Variants in NAV3 observed in about 807,000 individuals in gnomAD.
The protein encoded by NAV3 is neuron navigator 3.
In NAV3, 87 loss-of-function variants were observed where a neutral mutation model predicts 244.7. The ratio of observed to expected loss-of-function variants is 0.36; its 90% CI spans 0.30 to 0.42. The LOEUF (loss-of-function observed/expected upper bound fraction) is 0.42. NAV3 is among the 20% of genes least tolerant of loss of function. The pLI is 1.00. For missense variants in NAV3, 2,663 were observed against 2,893.3 expected, an observed-to-expected ratio of 0.92 and a Z score of 1.83; for synonymous variants, 1,126 against 1,042.2, an observed-to-expected ratio of 1.08 and a Z score of -1.55.
At chr12:78,124,291 T>G (rs1453146681) in intron 16 of NAV3, among the ~76,000 whole-genome samples, 1 of 152,212 alleles carries the variant, frequency 6.6e-6, no homozygotes, top group Non-Finnish European at 1.5e-5. Flanking sequence ...AAAATGCAGT[T>G]TTAATATTTT....
At chr12:77,829,746 G>A (rs534286083), upstream of NAV3, among the ~76,000 whole-genome samples, 63 of 152,248 alleles carry the variant, frequency 4.1e-4, 1 homozygote, top group Middle Eastern at 3.4e-3. Flanking sequence ...CTTCTATGCT[G>A]CATCAGCAGA....
At chr12:78,174,545 C>T (rs1260535343) in intron 24 of NAV3, among the ~76,000 whole-genome samples, 1 of 151,742 alleles carries the variant, frequency 6.6e-6, no homozygotes, top group Non-Finnish European at 1.5e-5. Context: ...ATTAGGTACT[C>T]CGGGGGCATA....
intron 12 of NAV3, among the ~76,000 whole-genome samples, chr12:78,100,316 A>T (rs1566131187): frequency 6.6e-6 from 1 of 151,940 alleles, no homozygotes; most frequent in Admixed American, 6.6e-5. Flanking sequence ...CAAACAGAAG[A>T]TGAGCTTAAA....
chr12:77,787,683 C>T (rs1219896408), intron 2 of NAV3, among the ~76,000 whole-genome samples: 2 of 152,156 alleles, frequency 1.3e-5, no homozygotes, highest in East Asian at 1.9e-4. Flanking sequence ...CCTCCCATGC[C>T]ACTAGGATTA....
At chr12:78,083,881 C>A (rs750702490) in intron 12 of NAV3, among the ~76,000 whole-genome samples, 4 of 152,250 alleles carry the variant, frequency 2.6e-5, no homozygotes, top group African/African-American at 4.8e-5. Context: ...GTTCCATGAT[C>A]TATTCAAAAT....
chr12:77,653,904 A>G (rs539869953), intron 2 of NAV3, among the ~76,000 whole-genome samples: 78 of 152,198 alleles, frequency 5.1e-4, no homozygotes, highest in African/African-American at 1.9e-3. Context: ...AAAAAATTCT[A>G]GTTTTCTTAA....
intron 2 of NAV3, among the ~76,000 whole-genome samples, chr12:77,778,949 G>C (rs1431827191): frequency 6.6e-6 from 1 of 152,172 alleles, no homozygotes; most frequent in Non-Finnish European, 1.5e-5. Flanking sequence ...TAATGTGTGT[G>C]TTGGAATTTG....
At chr12:77,998,827 T>G in intron 7 of NAV3, among the ~76,000 whole-genome samples, 1 of 152,184 alleles carries the variant, frequency 6.6e-6, no homozygotes, top group East Asian at 1.9e-4. Context: ...TCTGAATCCT[T>G]AACTTCAGTT....
At chr12:78,186,857 T>C (rs1958744610) in intron 31 of NAV3, among the ~76,000 whole-genome samples, 1 of 151,846 alleles carries the variant, frequency 6.6e-6, no homozygotes, top group African/African-American at 2.4e-5. Flanking sequence ...GGCTCTCTTT[T>C]TGCATTGCAG....
upstream of NAV3, among the ~76,000 whole-genome samples, chr12:77,827,236 CAAAAAAAAAAAAAA>C (rs10615824): frequency 4.4e-5 from 3 of 68,530 alleles, no homozygotes; most frequent in Non-Finnish European, 8.7e-5. Flanking sequence ...ACTCTGTCTC[CAAAAAAAAAAAAAA>C]AAAAAAAAAA....
chr12:77,613,207 T>C (rs1422532626), intron 2 of NAV3, among the ~76,000 whole-genome samples: 1 of 152,226 alleles, frequency 6.6e-6, no homozygotes, highest in Non-Finnish European at 1.5e-5. Flanking sequence ...TGGCAGAGTT[T>C]GCTCAGAATA....
At chr12:77,769,207 A>C (rs549892723) in intron 2 of NAV3, among the ~76,000 whole-genome samples, 2 of 152,328 alleles carry the variant, frequency 1.3e-5, no homozygotes, top group South Asian at 4.1e-4. Flanking sequence ...TAAGTACTAC[A>C]ATATAGTTGC....
intron 1 of NAV3, among the ~76,000 whole-genome samples, chr12:77,878,787 T>C (rs989278199): frequency 3.7e-5 from 4 of 109,154 alleles, no homozygotes; most frequent in African/African-American, 1.5e-4. Flanking sequence ...AATTCTATCA[T>C]TTTTTTTTTT....
intron 2 of NAV3, among the ~76,000 whole-genome samples, chr12:77,706,245 A>G (rs1003696919): frequency 6.6e-6 from 1 of 151,536 alleles, no homozygotes; most frequent in Admixed American, 6.6e-5. Context: ...CTAAATTAAC[A>G]TTAATAGATC....
At chr12:77,696,612 ACT>A (rs1875312597) in intron 2 of NAV3, among the ~76,000 whole-genome samples, 1 of 152,114 alleles carries the variant, frequency 6.6e-6, no homozygotes, top group Non-Finnish European at 1.5e-5. Context: ...AACATGGGTT[ACT>A]CTAAGTTACT....
Position 78,153,498 on chromosome 12 carries a change from A to G in NAV3, c.4785+4579A>G, listed in dbSNP as rs200791604. ...CAGAAGCCGCACAAGGAAAGGCAGA[A>G]CTAAATAAATGGTAATAGCAAACAA... On this transcript the variant is annotated intron_variant, in intron 22 of 39. Coordinates refer to ENST00000397909, the MANE Select transcript of NAV3 (RefSeq NM_001024383.2). Among the ~76,000 whole-genome samples, 17 of 152,250 alleles carry G rather than the reference A, an allele frequency of 1.1e-4. No individual in the cohort carries two copies. The East Asian group carries it at 2.9e-3, about 26-fold the overall frequency.
At chr12:78,094,466 CTT>C (rs1288804432) in intron 12 of NAV3, among the ~76,000 whole-genome samples, 2 of 152,116 alleles carry the variant, frequency 1.3e-5, no homozygotes, top group Admixed American at 6.5e-5. Context: ...AAAAATTGTA[CTT>C]TGTAAAATGC....
chr12:78,038,354 A>G (rs1006879445), intron 9 of NAV3, among the ~76,000 whole-genome samples: 2 of 152,230 alleles, frequency 1.3e-5, no homozygotes, highest in Non-Finnish European at 2.9e-5. Context: ...GTTGAAAGGA[A>G]TTAAACCTGG....
At chr12:78,116,633 T>G in intron 12 of NAV3, 139 bp from the exon 13 acceptor site, 9 of 942,680 alleles carry the variant, frequency 9.5e-6, no homozygotes, top group East Asian at 2.8e-5. Context: ...TTTCCCAAAA[T>G]GTGAAATAAG....
Sources: gnomAD v4.1 joint callset for allele counts (sites outside exome capture counted in the v4.1 genomes callset) on GRCh38, gnomAD v4.1.1 for gene constraint, MANE v1.5 for transcripts, NCBI Gene and HGNC (gene_info 2026-07-23, HGNC 2026-07-21) for gene names.